The following PROS1 variants were observed in gnomAD, a reference collection of about 807,000 sequenced individuals.
PROS1 encodes the protein vitamin K-dependent protein S.
PROS1 carries 29 observed loss-of-function variants against 75.9 expected under a neutral mutation model. That is an observed-to-expected ratio of 0.38 (90% CI 0.28 to 0.52). The LOEUF is 0.52. Among genes scored for constraint, PROS1 ranks in the 20% least tolerant of loss-of-function variants. The pLI is 0.83. For missense variants in PROS1, 680 were observed against 810.3 expected, an observed-to-expected ratio of 0.84 and a Z score of 1.95; for synonymous variants, 245 against 280.6, an observed-to-expected ratio of 0.87 and a Z score of 1.27.
intron 1 of PROS1, among the ~76,000 whole-genome samples, chr3:93,949,342 C>T (rs566948678): frequency 9.2e-5 from 14 of 152,214 alleles, no homozygotes; most frequent in South Asian, 4.1e-4. Flanking sequence ...TTGAGTATTT[C>T]GTACCCCACT....
chr3:93,924,838 T>C (rs185812586), intron 2 of PROS1, among the ~76,000 whole-genome samples: 12 of 151,958 alleles, frequency 7.9e-5, no homozygotes, highest in Admixed American at 2.6e-4. Flanking sequence ...GGTTTTTTGT[T>C]GTTAATTATT....
intron 4 of PROS1, 108 bp from the exon 5 acceptor site, chr3:93,906,251 C>T: frequency 9.1e-7 from 1 of 1,100,980 alleles, no homozygotes; most frequent in Non-Finnish European, 1.3e-6. Flanking sequence ...GAAAAAAAAA[C>T]ACACAACTCC....
chr3:93,962,531 G>A (rs890904372), intron 1 of PROS1, among the ~76,000 whole-genome samples: 1 of 152,148 alleles, frequency 6.6e-6, no homozygotes, highest in African/African-American at 2.4e-5. Flanking sequence ...CTACACTGAA[G>A]AGAAACATCC....
At chr3:93,896,361 A>G (rs1708500924) in intron 9 of PROS1, among the ~76,000 whole-genome samples, 1 of 152,214 alleles carries the variant, frequency 6.6e-6, no homozygotes. Context: ...CATTGGGGAA[A>G]GTCAGCCTAG....
In PROS1 at chr3:93,874,109, G is replaced by A. The variant is rs1395842395; in HGVS notation, c.*136C>T. The A allele has an allele frequency of 1.9e-6, 2 of 1,031,666 alleles. No homozygotes were observed. Among genetic ancestry groups the A allele is most frequent in the African/African-American group, 1.6e-5 (1 of 61,822 alleles). The allele number at this position is 1,031,666 out of a possible 1,614,324, so 63.9% of individuals were successfully genotyped here. A position where few individuals can be genotyped will look rare whatever the true frequency, so the allele number is the denominator to read the frequency against. Reference sequence around the variant, plus strand: ...AACAGAATTTTTTTCCTTGACAAAGGACCTTTTAAAAATCCCAGGAAAGGA... The same window carrying A: ...AACAGAATTTTTTTCCTTGACAAAGAACCTTTTAAAAATCCCAGGAAAGGA... On this transcript the variant is annotated 3_prime_UTR_variant, in exon 15 of 15. Coordinates refer to ENST00000394236, the MANE Select transcript of PROS1 (RefSeq NM_000313.4).
chr3:93,940,940 G>C (rs974711162), intron 1 of PROS1, among the ~76,000 whole-genome samples: 20 of 152,022 alleles, frequency 1.3e-4, no homozygotes, highest in African/African-American at 4.8e-4. Context: ...TCCACCCTCT[G>C]GTGCCCAACC....
chr3:93,886,783 T>A (rs1255010611), intron 10 of PROS1, among the ~76,000 whole-genome samples: 1 of 152,210 alleles, frequency 6.6e-6, no homozygotes, highest in Non-Finnish European at 1.5e-5. Flanking sequence ...CAGTTATATA[T>A]CTTTCAATTC....
chr3:93,923,120 T>C (rs528442908), intron 3 of PROS1, among the ~76,000 whole-genome samples: 1 of 152,330 alleles, frequency 6.6e-6, no homozygotes, highest in South Asian at 2.1e-4. Context: ...TTTTAGTTTG[T>C]TTTATTTTAT....
intron 3 of PROS1, among the ~76,000 whole-genome samples, chr3:93,914,477 T>C (rs1451485179): frequency 3.9e-5 from 6 of 152,116 alleles, no homozygotes; most frequent in African/African-American, 1.4e-4. Context: ...AGGGACACTG[T>C]GCTGAAATTC....
Position 93,886,472 on chromosome 3 carries a change from C to T in PROS1, c.1187G>A (p.Ser396Asn), listed in dbSNP as rs1343691142. The T allele has an allele frequency of 6.2e-7, 1 of 1,611,146 alleles. No individual in the cohort carries two copies. The highest frequency in any genetic ancestry group is 1.3e-5 in the African/African-American group (1 of 74,804). ...CACAGCTTCTTTAGCTATTTTAATG[C>T]TAATACTATGTTCTAATTCTTCCAC... The part of the protein sequence containing the change: ...VSVEELEHSI[S>N]IKIAKEAVMD... Residue 396 changes from serine to asparagine, a missense_variant, in exon 11 of 15, where the codon AGC (serine) becomes AAC (asparagine). Transcript: ENST00000394236.
rs7614835 is a variant in PROS1 at position 93,927,365 on chromosome 3, C to A, written c.119G>T (p.Arg40Leu). 2,118 of 1,614,090 alleles carry A rather than the reference C, an allele frequency of 1.3e-3. 15 individuals are homozygous for A. In the African/African-American group the frequency reaches 0.026, roughly 20 times the overall value. The change falls in exon 2 of 15, where the codon CGT becomes CTT. Residue 40 changes from arginine to leucine, a missense_variant. By Grantham distance (102) the Arg-to-Leu change is moderately radical. Transcript: ENST00000394236. ...QQASQVLVRK[R>L]RANSLLEETK... ...TTCTTCAAGTAAAGAATTTGCACGA[C>A]GCTTCCTAACCAGGACTTGTGAAGC...
intron 1 of PROS1, among the ~76,000 whole-genome samples, chr3:93,963,100 C>T (rs1709733011): frequency 6.6e-6 from 1 of 150,936 alleles, no homozygotes; most frequent in South Asian, 2.1e-4. Context: ...CAGCAAGTTC[C>T]AGAAGAGAAA....
chr3:93,941,227 C>A (rs1709282906), intron 1 of PROS1, among the ~76,000 whole-genome samples: 1 of 152,116 alleles, frequency 6.6e-6, no homozygotes. Context: ...TACTTTGTAG[C>A]CCTGCCTTTG....
At chr3:93,948,565 AAAC>A (rs1400386721) in intron 1 of PROS1, among the ~76,000 whole-genome samples, 1 of 152,212 alleles carries the variant, frequency 6.6e-6, no homozygotes, top group African/African-American at 2.4e-5. Context: ...TGCAGCCAAT[AAAC>A]ATATGATGTA....
chr3:93,963,848 A>T (rs189639497), intron 1 of PROS1, among the ~76,000 whole-genome samples: 52 of 151,952 alleles, frequency 3.4e-4, no homozygotes, highest in Admixed American at 3.4e-3. Context: ...ACCAGGCACC[A>T]CCTCCTACAA....
At chr3:93,932,018 A>T (rs1281866446) in intron 1 of PROS1, among the ~76,000 whole-genome samples, 1 of 152,258 alleles carries the variant, frequency 6.6e-6, no homozygotes, top group South Asian at 2.1e-4. Context: ...TACAGGCATG[A>T]CATCATGAAC....
At chr3:93,965,699 T>C (rs541239029) in intron 1 of PROS1, among the ~76,000 whole-genome samples, 1 of 152,276 alleles carries the variant, frequency 6.6e-6, no homozygotes, top group South Asian at 2.1e-4. Context: ...TTCTTTTCTT[T>C]TCTATTTTTA....
At chr3:93,950,759 C>T (rs1709482819) in intron 1 of PROS1, among the ~76,000 whole-genome samples, 1 of 152,192 alleles carries the variant, frequency 6.6e-6, no homozygotes, top group Non-Finnish European at 1.5e-5. Context: ...CCTGAAAATT[C>T]TAAAAATCAG....
chr3:93,946,911 C>T (rs1379776312), intron 1 of PROS1, among the ~76,000 whole-genome samples: 5 of 149,926 alleles, frequency 3.3e-5, no homozygotes, highest in African/African-American at 9.8e-5. Context: ...TTTTTACAAT[C>T]TACCCATCTG....
Sources: allele counts gnomAD v4.1 joint callset (sites outside exome capture counted in the v4.1 genomes callset), GRCh38; gene constraint gnomAD v4.1.1; transcripts MANE v1.5; gene names NCBI Gene and HGNC (gene_info 2026-07-23, HGNC 2026-07-21).